SEMA6D: variants seen among roughly 807,000 people sequenced by gnomAD.
SEMA6D encodes semaphorin-6D.
Under a neutral mutation model 106.6 loss-of-function variants are expected in SEMA6D, and 35 were observed. The observed-to-expected ratio is 0.33, with a 90% confidence interval of 0.25 to 0.44. SEMA6D has a LOEUF of 0.44. Among genes scored for constraint, SEMA6D ranks in the 20% least tolerant of loss-of-function variants. The pLI is 1.00. For missense variants in SEMA6D, 1,185 were observed against 1,345.9 expected, an observed-to-expected ratio of 0.88 and a Z score of 1.87; for synonymous variants, 499 against 487.7, an observed-to-expected ratio of 1.02 and a Z score of -0.31.
intron 3 of SEMA6D, among the ~76,000 whole-genome samples, chr15:47,524,453 A>G (rs2044687804): frequency 6.6e-6 from 1 of 152,236 alleles, no homozygotes; most frequent in African/African-American, 2.4e-5. Context: ...TTATCAGGGA[A>G]AAGAAAAAAC....
intron 4 of SEMA6D, among the ~76,000 whole-genome samples, chr15:47,663,183 T>C (rs536091245): frequency 4.6e-5 from 7 of 152,330 alleles, no homozygotes; most frequent in Non-Finnish European, 1.0e-4. Flanking sequence ...TCAACTCCCT[T>C]AATTCAGTGG....
chr15:47,759,893 C>A lies in SEMA6D; in HGVS notation c.95C>A (p.Thr32Asn), dbSNP rs773168430. 8.7e-6 allele frequency: 14 copies of A among 1,611,102 alleles called. No homozygotes were observed. The highest frequency in any genetic ancestry group is 1.2e-5 in the Non-Finnish European group (14 of 1,177,338). Reference protein sequence around the residue: ...SFPEDDEPLNTVDYHYSRQYP... With the variant: ...SFPEDDEPLNNVDYHYSRQYP... ...CCTGAAGATGATGAACCCCTTAATA[C>A]TGTCGACTATCACTGTAAGTCGTCT... is the stretch of plus-strand genomic sequence containing the variant. Residue 32 changes from threonine (T) to asparagine (N), a missense_variant, in exon 2 of 19, where the codon ACT becomes AAT. Physicochemically the swap from Thr to Asn is moderately conservative, Grantham distance 65. Around this residue, in one of 3 missense-constraint regions of SEMA6D, gnomAD observed 144 missense variants for 138.6 expected, o/e 1.04. Transcript: ENST00000536845.
At chr15:47,630,931 A>T (rs1420810604) in intron 4 of SEMA6D, among the ~76,000 whole-genome samples, 1 of 151,906 alleles carries the variant, frequency 6.6e-6, no homozygotes, top group African/African-American at 2.4e-5. Context: ...CCAGTCTTGC[A>T]TACCTGGAAT....
intron 4 of SEMA6D, among the ~76,000 whole-genome samples, chr15:47,635,594 A>G (rs539684825): frequency 2.6e-5 from 4 of 152,224 alleles, no homozygotes; most frequent in South Asian, 4.1e-4. Context: ...TGCGACTGGC[A>G]TCGAAAAATG....
chr15:47,517,055 T>G (rs2044410686), intron 3 of SEMA6D, among the ~76,000 whole-genome samples: 1 of 152,262 alleles, frequency 6.6e-6, no homozygotes, highest in South Asian at 2.1e-4. Flanking sequence ...GTTTTGTAGC[T>G]TCTAGCTGCA....
At chr15:47,249,292 T>A (rs1020403146) in intron 1 of SEMA6D, among the ~76,000 whole-genome samples, 2 of 152,116 alleles carry the variant, frequency 1.3e-5, no homozygotes, top group African/African-American at 4.8e-5. Context: ...TAGGACCTTA[T>A]AGTTGGCATG....
chr15:47,573,332 A>G (rs1250926697), intron 3 of SEMA6D, among the ~76,000 whole-genome samples: 1 of 152,228 alleles, frequency 6.6e-6, no homozygotes, highest in African/African-American at 2.4e-5. Context: ...CTAAAACAAA[A>G]TTAAACCTTA....
chr15:47,559,160 G>A (rs958812858), intron 3 of SEMA6D, among the ~76,000 whole-genome samples: 7 of 152,030 alleles, frequency 4.6e-5, no homozygotes, highest in Admixed American at 4.6e-4. Context: ...TAAAGACACA[G>A]CAAAGAGTCA....
chr15:47,263,295 G>A (rs1791857647), intron 1 of SEMA6D, among the ~76,000 whole-genome samples: 1 of 152,118 alleles, frequency 6.6e-6, no homozygotes, highest in Non-Finnish European at 1.5e-5. Flanking sequence ...TGCAAACTAT[G>A]CATCTGACAA....
rs1195262951 is a variant in SEMA6D, at chr15:47,555,186, G to A, written c.-86-45679G>A. Among the ~76,000 whole-genome samples the A allele has an allele frequency of 2.0e-5, 3 of 152,154 alleles. No homozygotes were observed. In the South Asian group the frequency reaches 6.2e-4, roughly 32 times the overall value. On this transcript the variant is annotated intron_variant, in intron 3 of 19. Transcript: ENST00000558014. ...GAATGCTGGCTCAGGTAGTCTAAGG[G>A]AGGTAAGATATTTTGCAGAGCCCAG... is the stretch of plus-strand genomic sequence containing the variant.
intron 1 of SEMA6D, among the ~76,000 whole-genome samples, chr15:47,758,472 A>G (rs1314290724): frequency 1.3e-5 from 2 of 152,180 alleles, no homozygotes; most frequent in Non-Finnish European, 2.9e-5. Context: ...TGCAAAGTAG[A>G]ACACTTACAG....
At chr15:47,578,419 C>T (rs1026149057) in intron 3 of SEMA6D, among the ~76,000 whole-genome samples, 1 of 152,208 alleles carries the variant, frequency 6.6e-6, no homozygotes, top group Non-Finnish European at 1.5e-5. Flanking sequence ...TGTGCGTTCA[C>T]ATGGACGTAC....
At chr15:47,615,686 C>G (rs1053256441) in intron 4 of SEMA6D, among the ~76,000 whole-genome samples, 1 of 152,182 alleles carries the variant, frequency 6.6e-6, no homozygotes, top group African/African-American at 2.4e-5. Context: ...ATTACCACAT[C>G]AGTCCAAATG....
intron 13 of SEMA6D, 109 bp downstream of exon 13, chr15:47,765,165 A>G (rs1179412871): frequency 2.4e-5 from 35 of 1,483,260 alleles, no homozygotes; most frequent in African/African-American, 4.3e-5. Flanking sequence ...GTTTGGCATA[A>G]TAGTGTTTTG....
chr15:47,626,816 G>GA (rs891183118), intron 4 of SEMA6D, among the ~76,000 whole-genome samples: 15 of 151,304 alleles, frequency 9.9e-5, no homozygotes, highest in East Asian at 1.9e-4. Context: ...TACCAAAAAA[G>GA]AAAAAAAAAT....
At chr15:47,554,700 C>G (rs1273173280) in intron 3 of SEMA6D, among the ~76,000 whole-genome samples, 1 of 152,202 alleles carries the variant, frequency 6.6e-6, no homozygotes, top group African/African-American at 2.4e-5. Flanking sequence ...GGAGGGCACA[C>G]AGACCCTTTA....
At chr15:47,562,170 C>A (rs566487344) in intron 3 of SEMA6D, among the ~76,000 whole-genome samples, 1 of 152,040 alleles carries the variant, frequency 6.6e-6, no homozygotes, top group Admixed American at 6.6e-5. Context: ...TTTTCAACAG[C>A]AGCACAAAAG....
intron 4 of SEMA6D, among the ~76,000 whole-genome samples, chr15:47,686,291 G>A (rs1212810792): frequency 1.3e-5 from 2 of 152,158 alleles, no homozygotes; most frequent in African/African-American, 4.8e-5. Flanking sequence ...AGATGTCTCA[G>A]AAGAATTACT....
At chr15:47,202,913 C>T (rs575135666) in intron 1 of SEMA6D, among the ~76,000 whole-genome samples, 1 of 152,148 alleles carries the variant, frequency 6.6e-6, no homozygotes, top group Admixed American at 6.5e-5. Flanking sequence ...GATGTAGACT[C>T]TATCCACCAT....
Sources: gnomAD v4.1 joint callset for allele counts (sites outside exome capture counted in the v4.1 genomes callset) on GRCh38, gnomAD v4.1.1 for gene constraint, gnomAD v4.1.1 regional missense constraint, MANE v1.5 for transcripts, NCBI Gene and HGNC (gene_info 2026-07-23, HGNC 2026-07-21) for gene names.